Variants in GNG4 observed in about 807,000 individuals in gnomAD.
GNG4 encodes the protein G protein subunit gamma 4.
GNG4 carries 4 observed loss-of-function variants against 5.8 expected under a neutral mutation model. That is an observed-to-expected ratio of 0.69 (90% CI 0.34 to 1.57). The LOEUF (loss-of-function observed/expected upper bound fraction) is 1.57. Among genes scored for constraint, GNG4 ranks in the 40% most tolerant of loss-of-function variants. The pLI, the probability that GNG4 is intolerant of heterozygous loss-of-function variation, is 0.06. For missense variants in GNG4, 96 were observed against 95.1 expected (o/e 1.01, Z -0.04); for synonymous variants, 29 against 32.9 (o/e 0.88, Z 0.41).
chr1:235,607,605 T>C (rs1455468244), intron 1 of GNG4, among the ~76,000 whole-genome samples: 1 of 152,252 alleles, frequency 6.6e-6, no homozygotes, highest in African/African-American at 2.4e-5. Context: ...GTGAATTTAG[T>C]GGGTCACGCG....
At chr1:235,643,636 C>A (rs1657403770) in intron 1 of GNG4, among the ~76,000 whole-genome samples, 1 of 152,198 alleles carries the variant, frequency 6.6e-6, no homozygotes, top group African/African-American at 2.4e-5. Context: ...TCGATCGCAT[C>A]CAGCAGTATG....
chr1:235,609,861 C>T (rs138513727), intron 1 of GNG4, among the ~76,000 whole-genome samples: 463 of 151,750 alleles, frequency 3.1e-3, no homozygotes, highest in African/African-American at 4.2e-3. Flanking sequence ...AATGACAGAG[C>T]GAGACCCTGT....
intron 3 of GNG4, among the ~76,000 whole-genome samples, chr1:235,554,231 T>G (rs1199098730): frequency 3.9e-5 from 6 of 152,172 alleles, no homozygotes. Flanking sequence ...TGCCACCTTC[T>G]AAGGAAAGCC....
chr1:235,563,305 C>G (rs1051791490), intron 3 of GNG4, among the ~76,000 whole-genome samples: 1 of 148,912 alleles, frequency 6.7e-6, no homozygotes, highest in Non-Finnish European at 1.5e-5. Flanking sequence ...CACCTGTAGT[C>G]CCAGCTACTT....
chr1:235,631,147 C>A lies in GNG4; in HGVS notation c.-123+18515G>T, dbSNP rs548020284. 8.0e-4 allele frequency among the ~76,000 whole-genome samples: 122 copies of A among 152,298 alleles called. 1 individual carries two copies. The South Asian group carries it at 0.016, about 20-fold the overall frequency. On this transcript the variant is annotated intron_variant, in intron 1 of 3. Transcript: ENST00000391854. ...CTCCTGACCTCAGGTGATCCGCCCT[C>A]CTCGGCCTCCCAAAGTGCTGGGATT...
At chr1:235,563,798 C>G (rs1687128599) in intron 3 of GNG4, among the ~76,000 whole-genome samples, 1 of 152,136 alleles carries the variant, frequency 6.6e-6, no homozygotes, top group Non-Finnish European at 1.5e-5. Context: ...GGCAGTGGTC[C>G]TGACTAGAAG....
intron 2 of GNG4, among the ~76,000 whole-genome samples, chr1:235,585,037 AC>A: frequency 6.6e-6 from 1 of 151,728 alleles, no homozygotes; most frequent in East Asian, 1.9e-4. Flanking sequence ...CTCCCCTCCC[AC>A]CTACCTCCTA....
intron 1 of GNG4, among the ~76,000 whole-genome samples, chr1:235,634,033 G>C (rs1337404455): frequency 6.6e-6 from 1 of 152,214 alleles, no homozygotes; most frequent in African/African-American, 2.4e-5. Flanking sequence ...AAATCAGAGA[G>C]AGCTCAGATT....
intron 2 of GNG4, among the ~76,000 whole-genome samples, chr1:235,588,241 T>A (rs767619322): frequency 1.3e-5 from 2 of 152,000 alleles, no homozygotes; most frequent in East Asian, 3.9e-4. Flanking sequence ...GGAGATAAAA[T>A]AAGCGGGTGG....
chr1:235,627,371 C>T (rs183539649), intron 1 of GNG4, among the ~76,000 whole-genome samples: 66 of 152,038 alleles, frequency 4.3e-4, no homozygotes, highest in African/African-American at 1.4e-3. Flanking sequence ...TACAGGTGTC[C>T]GCCACCATGC....
chr1:235,641,058 G>A (rs1657312283), intron 1 of GNG4, among the ~76,000 whole-genome samples: 2 of 152,234 alleles, frequency 1.3e-5, no homozygotes, highest in Non-Finnish European at 2.9e-5. Context: ...GGAGGGGAAA[G>A]CCACCTTATT....
chr1:235,597,455 G>T (rs1688148566), intron 1 of GNG4, among the ~76,000 whole-genome samples: 1 of 149,720 alleles, frequency 6.7e-6, no homozygotes, highest in Non-Finnish European at 1.5e-5. Context: ...CTGTTAGGAG[G>T]TGGGACCTCT....
chr1:235,587,295 TGTG>T, intron 2 of GNG4, among the ~76,000 whole-genome samples: 1 of 75,080 alleles, frequency 1.3e-5, no homozygotes, highest in Non-Finnish European at 2.4e-5. Flanking sequence ...TGGGTTGGGG[TGTG>T]TGTGAGGGTG....
intron 3 of GNG4, among the ~76,000 whole-genome samples, chr1:235,575,627 T>C (rs1687464975): frequency 6.6e-6 from 1 of 152,206 alleles, no homozygotes; most frequent in Non-Finnish European, 1.5e-5. Flanking sequence ...CCAGGACAAA[T>C]GAGACTGGGC....
At chr1:235,571,077 A>G (rs1242229523) in intron 3 of GNG4, among the ~76,000 whole-genome samples, 2 of 151,226 alleles carry the variant, frequency 1.3e-5, no homozygotes, top group African/African-American at 4.9e-5. Context: ...CTGGAATTAC[A>G]GGTGTGAGTC....
chr1:235,595,668 G>A (rs1440747746), intron 1 of GNG4, among the ~76,000 whole-genome samples, 157 bp from the exon 2 acceptor site: 1 of 152,108 alleles, frequency 6.6e-6, no homozygotes, highest in Non-Finnish European at 1.5e-5. Context: ...GGGAGATGGG[G>A]AGCTCGAGGC....
At chr1:235,579,515 G>A (rs1687571802) in intron 3 of GNG4, among the ~76,000 whole-genome samples, 1 of 151,992 alleles carries the variant, frequency 6.6e-6, no homozygotes, top group South Asian at 2.1e-4. Flanking sequence ...ATGACGTGAC[G>A]TGATGAAGCC....
chr1:235,644,560 C>T lies in GNG4; in HGVS notation c.-123+5102G>A, dbSNP rs1197062681. 2.0e-5 allele frequency among the ~76,000 whole-genome samples: 3 copies of T among 152,200 alleles called. No homozygotes were observed. Among genetic ancestry groups the T allele is most frequent in the African/African-American group, 7.2e-5 (3 of 41,452 alleles). On this transcript the variant is annotated intron_variant, in intron 1 of 3. Coordinates refer to ENST00000391854, the MANE Select transcript of GNG4 (RefSeq NM_001098722.2). The surrounding 1 kb of genome is among the most constrained non-coding windows in gnomAD (Gnocchi z 5.9). Reference sequence around the variant, plus strand: ...AACCAGGCTGCAGTCCCCTAGTACCCTGCCATGCAGCCCCACAGCTGCCGG... The same window carrying T: ...AACCAGGCTGCAGTCCCCTAGTACCTTGCCATGCAGCCCCACAGCTGCCGG...
intron 1 of GNG4, among the ~76,000 whole-genome samples, chr1:235,643,959 C>T (rs891374421): frequency 6.6e-5 from 10 of 152,324 alleles, no homozygotes; most frequent in Middle Eastern, 3.4e-3. Flanking sequence ...GGCGGGGACG[C>T]GGCAGAGCAG....
Sources: gnomAD v4.1 joint callset for allele counts (sites outside exome capture counted in the v4.1 genomes callset) on GRCh38, gnomAD v4.1.1 for gene constraint, Gnocchi (gnomAD v3.1) non-coding constraint, MANE v1.5 for transcripts, NCBI Gene and HGNC (gene_info 2026-07-23, HGNC 2026-07-21) for gene names.